The following TENM2 variants were observed in gnomAD, a reference collection of about 807,000 sequenced individuals.
TENM2 encodes teneurin transmembrane protein 2, also known as teneurin-2.
In TENM2, 52 loss-of-function variants were observed where a neutral mutation model predicts 245.2. The observed-to-expected ratio is 0.21, with a 90% CI of 0.17 to 0.27. TENM2 has a LOEUF of 0.27. TENM2 is among the 10% of genes least tolerant of loss of function. The pLI is 1.00. For missense variants in TENM2, 3,046 were observed against 3,666.8 expected (o/e 0.83, Z 4.37); for synonymous variants, 1,363 against 1,438.9 (o/e 0.95, Z 1.19).
the TENM2 span, among the ~76,000 whole-genome samples, chr5:167,040,989 C>T: frequency 2.0e-5 from 3 of 152,220 alleles, no homozygotes; most frequent in Admixed American, 6.5e-5. Context: ...TTTTGAATGG[C>T]CCTTAGGTTA....
chr5:167,071,876 T>TTG, the TENM2 span, among the ~76,000 whole-genome samples: 1 of 112,670 alleles, frequency 8.9e-6, no homozygotes, highest in Non-Finnish European at 2.1e-5. Flanking sequence ...TTTTGACAAA[T>TTG]CGCCCCCCCC....
At chr5:167,445,339 A>ATATATATATATATG (rs1765125542) in intron 2 of TENM2, among the ~76,000 whole-genome samples, 1 of 72,218 alleles carries the variant, frequency 1.4e-5, no homozygotes, top group South Asian at 5.8e-4. Flanking sequence ...ATATATATAG[A>ATATATATATATATG]GAGAGAGAGA....
At chr5:167,790,499 T>C (rs1256253018) in intron 2 of TENM2, among the ~76,000 whole-genome samples, 1 of 151,938 alleles carries the variant, frequency 6.6e-6, no homozygotes, top group South Asian at 2.1e-4. Flanking sequence ...GGAACGAAAA[T>C]AGAGAGAGGA....
the TENM2 span, among the ~76,000 whole-genome samples, chr5:167,143,218 C>T: frequency 5.3e-5 from 8 of 152,116 alleles, no homozygotes; most frequent in Non-Finnish European, 7.4e-5. Flanking sequence ...AATGAGGCTT[C>T]GATATGACCA....
chr5:167,358,723 C>G (rs1188241079), intron 1 of TENM2, among the ~76,000 whole-genome samples: 1 of 151,432 alleles, frequency 6.6e-6, no homozygotes, highest in African/African-American at 2.4e-5. Context: ...CTCATATATT[C>G]AGCTAACTGA....
At chr5:167,640,844 T>TATATATATATATCCATATATATATCC (rs1554094232) in intron 2 of TENM2, among the ~76,000 whole-genome samples, 139 of 4,026 alleles carry the variant, frequency 0.035, 3 homozygotes, top group African/African-American at 0.16. Context: ...TATATATCCA[T>TATATATATATATCCATATATATATCC]ATATATATAT....
chr5:167,849,278 C>T (rs774895893), intron 2 of TENM2, among the ~76,000 whole-genome samples: 10 of 152,138 alleles, frequency 6.6e-5, no homozygotes, highest in Non-Finnish European at 8.8e-5. Flanking sequence ...AGATCTTTAA[C>T]TTATTACAGC....
rs112558904 is a variant in TENM2 at position 167,499,846 on chromosome 5, A to ATGTGTG, written c.502+124380_502+124385dup. Among the ~76,000 whole-genome samples the ATGTGTG allele has an allele frequency of 3.4e-3, 425 of 125,622 alleles. 4 individuals are homozygous for ATGTGTG. Among genetic ancestry groups the ATGTGTG allele is most frequent in the African/African-American group, 0.011 (382 of 35,806 alleles). The allele number at this position is 125,622 out of a possible 152,430, so 82.4% of individuals were successfully genotyped here. On this transcript the variant is annotated intron_variant, in intron 2 of 28. Coordinates refer to ENST00000518659, the Ensembl canonical transcript of TENM2. ...TGTGTGCATGTGTATGTGAGGGTGTATGTGTGTGTGTGCATGTGTATGTGA... is the reference window on the plus strand; with the variant it reads ...TGTGTGCATGTGTATGTGAGGGTGTATGTGTGTGTGTGTGTGTGCATGTGTATGTGA...
At chr5:168,036,643 AATATAT>A (rs61665761) in intron 5 of TENM2, among the ~76,000 whole-genome samples, 1 of 73,812 alleles carries the variant, frequency 1.4e-5, no homozygotes, top group Non-Finnish European at 2.6e-5. Flanking sequence ...TCAAAAAAAA[AATATAT>A]ATATATATAT....
intron 14 of TENM2, among the ~76,000 whole-genome samples, chr5:168,192,485 C>T (rs2152513996): frequency 6.6e-6 from 1 of 152,340 alleles, no homozygotes; most frequent in East Asian, 1.9e-4. Context: ...GATCTTCAGA[C>T]ATCCTGAAGA....
rs1554157771 is a variant in TENM2 at position 167,452,950 on chromosome 5, T to TATTTTTTTTTTTTTTTAA, written c.502+77479_502+77480insTTTTTTTTTTTTTTAAAT. Among the ~76,000 whole-genome samples the TATTTTTTTTTTTTTTTAA allele has an allele frequency of 1.3e-4, 13 of 99,650 alleles. 2 individuals carry two copies. The highest frequency in any genetic ancestry group is 3.7e-4 in the African/African-American group (11 of 29,480). 65.4% of individuals were successfully genotyped at this position (99,650 alleles called of 152,430 possible). A position where few individuals can be genotyped will look rare whatever the true frequency, so the allele number is the denominator to read the frequency against. On this transcript the variant is annotated intron_variant, in intron 2 of 28. Coordinates refer to ENST00000518659, the Ensembl canonical transcript of TENM2. ...TATGATTTATATATATATATATATA[T>TATTTTTTTTTTTTTTTAA]ATATATATATATTTAAAAAAAAAAA...
intron 5 of TENM2, among the ~76,000 whole-genome samples, chr5:168,042,954 C>T (rs554514544): frequency 2.6e-5 from 4 of 152,262 alleles, no homozygotes; most frequent in Admixed American, 2.0e-4. Flanking sequence ...CCATGGAGCC[C>T]GAGGGTCTCT....
intron 2 of TENM2, among the ~76,000 whole-genome samples, chr5:167,807,975 A>C (rs2150980737): frequency 6.6e-6 from 1 of 152,270 alleles, no homozygotes; most frequent in South Asian, 2.1e-4. Flanking sequence ...AAACAACAGC[A>C]AACACTACTA....
At chr5:168,167,549 G>A (rs1416033734) in intron 13 of TENM2, among the ~76,000 whole-genome samples, 1 of 152,184 alleles carries the variant, frequency 6.6e-6, no homozygotes, top group Non-Finnish European at 1.5e-5. Flanking sequence ...TCACCTGGAG[G>A]TAGGGTAGGA....
chr5:168,182,425 C>T (rs984797266), intron 13 of TENM2, among the ~76,000 whole-genome samples: 6 of 152,178 alleles, frequency 3.9e-5, no homozygotes, highest in African/African-American at 1.4e-4. Flanking sequence ...CTTCTTAGAG[C>T]ACCTCTGTGC....
At chr5:167,005,359 T>C in the TENM2 span, among the ~76,000 whole-genome samples, 1 of 152,190 alleles carries the variant, frequency 6.6e-6, no homozygotes, top group African/African-American at 2.4e-5. Flanking sequence ...AGTGCCACTT[T>C]TTGACTGAAA....
At chr5:167,876,052 A>G (rs769475909) in exon 3 of TENM2, 1 of 1,551,178 alleles carries the variant, frequency 6.4e-7, no homozygotes, top group South Asian at 1.2e-5. Context: ...AGCTCCCATA[A>G]TCCTCCACCA....
At chr5:167,244,652 G>A in the TENM2 span, among the ~76,000 whole-genome samples, 1 of 152,230 alleles carries the variant, frequency 6.6e-6, no homozygotes, top group Non-Finnish European at 1.5e-5. Context: ...GCACATCTGA[G>A]AGAAGCCCAG....
chr5:167,675,177 G>T (rs1484535089), intron 2 of TENM2, among the ~76,000 whole-genome samples: 1 of 152,020 alleles, frequency 6.6e-6, no homozygotes, highest in Admixed American at 6.6e-5. Flanking sequence ...AATGAAATTG[G>T]CATGGTTTAT....
Sources: allele counts gnomAD v4.1 joint callset (sites outside exome capture counted in the v4.1 genomes callset), GRCh38; gene constraint gnomAD v4.1.1; transcripts MANE v1.5; gene names NCBI Gene and HGNC (gene_info 2026-07-23, HGNC 2026-07-21).